The following EI24 variants were observed in gnomAD, a reference collection of about 807,000 sequenced individuals.
EI24 encodes etoposide-induced protein 2.4 homolog.
A neutral mutation model predicts 48.6 loss-of-function variants in EI24; 21 were observed. The ratio of observed to expected loss-of-function variants is 0.43; its 90% CI spans 0.31 to 0.62. EI24 has a LOEUF of 0.62. Ranked by LOEUF, EI24 falls within the 20% of genes least tolerant of loss-of-function variation. EI24 has a pLI of 0.10. For synonymous variants in EI24, 114 were observed against 145.5 expected, an observed-to-expected ratio of 0.78 and a Z score of 1.56; for missense variants, 280 against 410.5, an observed-to-expected ratio of 0.68 and a Z score of 2.75.
rs372602233 is a variant in EI24, at chr11:125,581,313, A to G, written c.776A>G (p.Tyr259Cys). The G allele has an allele frequency of 6.2e-7, 1 of 1,602,208 alleles. No individual in the cohort carries two copies. Among genetic ancestry groups the G allele is most frequent in the African/African-American group, 1.3e-5 (1 of 74,718 alleles). Residue 259 changes from tyrosine (Y) to cysteine (C), a missense_variant, in exon 9 of 11, where the codon TAT (tyrosine) becomes TGT (cysteine). This residue lies in a region of EI24 where 14 missense variants were observed against 51.3 expected (regional missense o/e 0.27). Coordinates refer to ENST00000278903, the MANE Select transcript of EI24 (RefSeq NM_004879.5). Reference sequence around the variant, plus strand: ...TTTCTCACAGCAATGCAGTCCTCATATATTATCAGGTAATTTGGCTACAGG... The same window carrying G: ...TTTCTCACAGCAATGCAGTCCTCATGTATTATCAGGTAATTTGGCTACAGG... Reference protein sequence around the residue: ...LAFLTAMQSSYIISGCLFSIL... With the variant: ...LAFLTAMQSSCIISGCLFSIL...
At chr11:125,573,573 C>A (rs1463599655) in intron 2 of EI24, 1 of 302,860 alleles carries the variant, frequency 3.3e-6, no homozygotes, top group Non-Finnish European at 6.8e-6. Flanking sequence ...GGTACCAGTG[C>A]ACTATAGCAG....
chr11:125,583,373 C>T, intron 10 of EI24, 148 bp from the exon 11 acceptor site: 1 of 680,128 alleles, frequency 1.5e-6, no homozygotes, highest in Non-Finnish European at 2.4e-6. Context: ...CCTGTTCCAT[C>T]CATGTATCTA....
chr11:125,581,156 G>C, intron 8 of EI24, 55 bp from the exon 9 acceptor site: 1 of 1,114,088 alleles, frequency 9.0e-7, no homozygotes, highest in African/African-American at 1.5e-5. Context: ...TAGTTACTTA[G>C]TCACTTGACT....
chr11:125,581,537 C>CTT (rs33956827), intron 9 of EI24, among the ~76,000 whole-genome samples: 24,379 of 50,766 alleles, frequency 0.48, 9,563 homozygotes, highest in Non-Finnish European at 0.54. Context: ...AGCAATTATT[C>CTT]TTTTTTTTTT....
At chr11:125,582,634 A>G (rs1939061737) in intron 10 of EI24, among the ~76,000 whole-genome samples, 1 of 152,198 alleles carries the variant, frequency 6.6e-6, no homozygotes, top group Non-Finnish European at 1.5e-5. Context: ...AACCGATCCC[A>G]TTATACATAT....
chr11:125,578,674 G>A (rs1938856764), intron 6 of EI24, among the ~76,000 whole-genome samples: 1 of 151,608 alleles, frequency 6.6e-6, no homozygotes, highest in South Asian at 2.1e-4. Context: ...TCACCATGTT[G>A]GCCAGGCTGG....
intron 2 of EI24, among the ~76,000 whole-genome samples, chr11:125,574,016 G>T (rs1938635944): frequency 6.6e-6 from 1 of 151,906 alleles, no homozygotes; most frequent in Non-Finnish European, 1.5e-5. Flanking sequence ...TTACCTTGTT[G>T]TCTTGCCATT....
intron 10 of EI24, 88 bp downstream of exon 10, chr11:125,582,508 A>G: frequency 9.7e-7 from 1 of 1,027,660 alleles, no homozygotes; most frequent in Non-Finnish European, 1.4e-6. Flanking sequence ...TTAAAAAAAA[A>G]AATTCTTACT....
rs559509912 is a variant in EI24, at chr11:125,570,948, C to A, written c.-71+1375C>A. ...ACTGGAACTCTGAGGTGTTTGTTTT[C>A]AGGAGGAAACAGTGGGAGTATTAAC... On this transcript the variant is annotated intron_variant, in intron 1 of 10. Transcript: ENST00000278903. Among the ~76,000 whole-genome samples, 5 of 152,236 alleles carry A rather than the reference C, an allele frequency of 3.3e-5. No individual in the cohort carries two copies. In the South Asian group the frequency reaches 1.0e-3, roughly 32 times the overall value.
At chr11:125,582,032 T>C (rs867663987) in intron 9 of EI24, among the ~76,000 whole-genome samples, 2 of 151,820 alleles carry the variant, frequency 1.3e-5, no homozygotes, top group African/African-American at 4.8e-5. Flanking sequence ...ATCCCATCTC[T>C]ACTGAAAATA....
chr11:125,580,205 G>A lies in EI24; in HGVS notation c.673+1G>A. ...TTTGAATATCGTTGGTTCAATAAAG[G>A]TAAGTCCATCTAAAGAAATCCAGAA... On this transcript the variant is annotated splice_donor_variant, in intron 8 of 10. Transcript: ENST00000278903. LOFTEE classifies it high-confidence loss of function. The A allele has an allele frequency of 6.2e-7, 1 of 1,603,090 alleles. No homozygotes were observed. Among genetic ancestry groups the A allele is most frequent in the Non-Finnish European group, 8.5e-7 (1 of 1,170,174 alleles).
At chr11:125,582,940 T>C (rs1939073477) in intron 10 of EI24, among the ~76,000 whole-genome samples, 2 of 152,226 alleles carry the variant, frequency 1.3e-5, no homozygotes, top group Admixed American at 6.5e-5. Flanking sequence ...ACAGATAGCA[T>C]ATGATACCTT....
Position 125,580,202 on chromosome 11 carries a change from A to G in EI24, c.671A>G (p.Lys224Arg). Reference sequence around the variant, plus strand: ...TGCTTTGAATATCGTTGGTTCAATAAAGGTAAGTCCATCTAAAGAAATCCA... The same window carrying G: ...TGCTTTGAATATCGTTGGTTCAATAGAGGTAAGTCCATCTAAAGAAATCCA... ...LYCFEYRWFN[K>R]GIEMHQRLSN... Residue 224 changes from lysine (K) to arginine (R), a missense_variant and splice_region_variant, in exon 8 of 11, where the codon AAA (lysine) becomes AGA (arginine). This residue lies in a region of EI24 where 204 missense variants were observed against 294.1 expected (regional missense o/e 0.69). Transcript: ENST00000278903. The G allele has an allele frequency of 6.2e-7, 1 of 1,605,078 alleles. No homozygotes were observed. Among genetic ancestry groups the G allele is most frequent in the Non-Finnish European group, 8.5e-7 (1 of 1,171,910 alleles).
At position 125,580,110 on chromosome 11, in the gene EI24, C is replaced by G. The variant is rs1938932702; in HGVS notation, c.579C>G (p.Leu193=). The change falls in exon 8 of 11, where the codon CTC becomes CTG. Residue 193 remains leucine, a synonymous_variant. Coordinates refer to ENST00000278903, the MANE Select transcript of EI24 (RefSeq NM_004879.5). ...TTCTTCAGGGAATGTTTGTGAGTCT[C>G]TTTCCCATCCATCTTGTCGGTCAGC... ...LFLIQGMFVS[L]FPIHLVGQLV... 3 of 1,613,504 alleles carry G rather than the reference C, an allele frequency of 1.9e-6. No homozygotes were observed. Among genetic ancestry groups the G allele is most frequent in the Admixed American group, 1.7e-5 (1 of 60,006 alleles).
rs1938569772 is a variant in EI24, at chr11:125,572,523, A to G, written c.-5A>G. On this transcript the variant is annotated 5_prime_UTR_variant, in exon 2 of 11. Transcript: ENST00000278903. ...GTGTGTAGTTGATAGTTTGGTGGTG[A>G]AGAGATGGCTGACAGTGTCAAAACC... is the stretch of plus-strand genomic sequence containing the variant. The G allele has an allele frequency of 5.6e-6, 9 of 1,613,578 alleles. No individual in the cohort carries two copies. Among genetic ancestry groups the G allele is most frequent in the Admixed American group, 1.7e-5 (1 of 59,986 alleles).
In EI24 at chr11:125,577,570, G is replaced by C. The variant is rs777661044; in HGVS notation, c.316G>C (p.Gly106Arg). 6.2e-7 allele frequency: 1 copy of C among 1,613,034 alleles called. No individual in the cohort carries two copies. The highest frequency in any genetic ancestry group is 1.7e-5 in the Admixed American group (1 of 59,990). Residue 106 changes from glycine (G) to arginine (R), a missense_variant and splice_region_variant, in exon 5 of 11, where the codon GGT (glycine) becomes CGT (arginine). Around this residue, in one of 3 missense-constraint regions of EI24, gnomAD observed 204 missense variants for 294.1 expected, o/e 0.69. Coordinates refer to ENST00000278903, the MANE Select transcript of EI24 (RefSeq NM_004879.5). ...TCAGTCGGTAACAGCCCGAATTATCGGTAAGTGTATACCCTGCTCCTTGTC... is the reference window on the plus strand; with the variant it reads ...TCAGTCGGTAACAGCCCGAATTATCCGTAAGTGTATACCCTGCTCCTTGTC... Reference protein sequence around the residue: ...VLQSVTARIIGDPSLHGDVWS... With the variant: ...VLQSVTARIIRDPSLHGDVWS...
At position 125,579,075 on chromosome 11, in the gene EI24, C is replaced by G. The variant is rs1938878058; in HGVS notation, c.561+7C>G. On this transcript the variant is annotated splice_region_variant and intron_variant, in intron 7 of 10. Coordinates refer to ENST00000278903, the MANE Select transcript of EI24 (RefSeq NM_004879.5). ...GGCTCTTTTCCTCATTCAGGTGAGA[C>G]TGACCTTCTGGGCATATGGGCAGCT... The G allele has an allele frequency of 6.4e-7, 1 of 1,557,686 alleles. No homozygotes were observed. The highest frequency in any genetic ancestry group is 8.7e-7 in the Non-Finnish European group (1 of 1,149,930).
chr11:125,578,465 T>A (rs915773486), intron 6 of EI24, among the ~76,000 whole-genome samples: 2 of 151,556 alleles, frequency 1.3e-5, no homozygotes, highest in Admixed American at 6.6e-5. Context: ...TGGTGCCTTT[T>A]CTTTTTCGTT....
At chr11:125,580,010 CAG>C (rs1401779992) in intron 7 of EI24, 81 bp from the exon 8 acceptor site, 1 of 1,113,984 alleles carries the variant, frequency 9.0e-7, no homozygotes, top group Non-Finnish European at 1.4e-6. Flanking sequence ...GAAGCTATCT[CAG>C]ACAGTGATTG....
Sources: gnomAD v4.1 joint callset for allele counts (sites outside exome capture counted in the v4.1 genomes callset) on GRCh38, gnomAD v4.1.1 for gene constraint, gnomAD v4.1.1 regional missense constraint, MANE v1.5 for transcripts, NCBI Gene and HGNC (gene_info 2026-07-23, HGNC 2026-07-21) for gene names.